Variants in ME1 observed in about 807,000 individuals in gnomAD.
The protein encoded by ME1 is NADP-dependent malic enzyme.
ME1 carries 74 observed loss-of-function variants against 66.4 expected under a neutral mutation model. That is an observed-to-expected ratio of 1.11 (90% CI 0.92 to 1.35). The LOEUF is 1.35. Among genes scored for constraint, ME1 ranks in the 40% most tolerant of loss-of-function variants. The probability of loss-of-function intolerance (pLI) is 0.00; values close to 1 mark genes in which losing one functional copy is unlikely to be tolerated. For missense variants in ME1, 750 were observed against 694.1 expected (o/e 1.08, Z -0.90); for synonymous variants, 251 against 235.6 (o/e 1.07, Z -0.60).
chr6:83,319,306 TA>T (rs924850590), intron 5 of ME1, among the ~76,000 whole-genome samples: 9 of 137,426 alleles, frequency 6.5e-5, no homozygotes, highest in East Asian at 2.1e-4. Context: ...AGTATAATAA[TA>T]AAAAAAATAA....
intron 9 of ME1, among the ~76,000 whole-genome samples, chr6:83,237,227 A>AAAAGAAAGAAAGAAAG (rs71545852): frequency 0.047 from 3,208 of 68,970 alleles, 270 homozygotes; most frequent in East Asian, 0.1. Context: ...ACAGAGAGAG[A>AAAAGAAAGAAAGAAAG]AAAGAAAGAA....
intron 5 of ME1, among the ~76,000 whole-genome samples, chr6:83,316,342 T>C (rs960374438): frequency 2.6e-5 from 4 of 152,172 alleles, no homozygotes; most frequent in African/African-American, 9.6e-5. Flanking sequence ...AAATCAGTTT[T>C]GAAATTGAGA....
intron 9 of ME1, among the ~76,000 whole-genome samples, chr6:83,231,877 A>G (rs1158232907): frequency 1.3e-5 from 2 of 151,856 alleles, no homozygotes; most frequent in African/African-American, 4.8e-5. Flanking sequence ...TACCTCAAAC[A>G]TATTATGGAT....
chr6:83,270,016 G>A (rs1479559524), intron 6 of ME1, among the ~76,000 whole-genome samples: 4 of 151,972 alleles, frequency 2.6e-5, no homozygotes, highest in Non-Finnish European at 5.9e-5. Flanking sequence ...TGGATTTATA[G>A]GTCTCTGTAA....
chr6:83,232,309 T>G (rs1444721656), intron 9 of ME1, among the ~76,000 whole-genome samples: 3 of 152,264 alleles, frequency 2.0e-5, no homozygotes, highest in Non-Finnish European at 2.9e-5. Flanking sequence ...TTCACTGCAT[T>G]TGTTGCAAAT....
At chr6:83,425,053 T>C (rs1039259561) in intron 1 of ME1, among the ~76,000 whole-genome samples, 1 of 152,200 alleles carries the variant, frequency 6.6e-6, no homozygotes, top group Non-Finnish European at 1.5e-5. Flanking sequence ...CAATCTGTCA[T>C]ACAGGCTGGA....
intron 2 of ME1, among the ~76,000 whole-genome samples, chr6:83,404,065 T>C (rs553134939): frequency 6.6e-6 from 1 of 152,194 alleles, no homozygotes; most frequent in Non-Finnish European, 1.5e-5. Context: ...TTCTAGATCC[T>C]TGAGGAATCG....
chr6:83,324,039 A>G (rs1768233732), intron 5 of ME1, among the ~76,000 whole-genome samples: 2 of 152,168 alleles, frequency 1.3e-5, no homozygotes, highest in African/African-American at 4.8e-5. Flanking sequence ...AAACTCACTC[A>G]AAACTGCACA....
At chr6:83,422,214 C>G (rs73478727) in intron 1 of ME1, among the ~76,000 whole-genome samples, 1 of 152,108 alleles carries the variant, frequency 6.6e-6, no homozygotes. Context: ...GACTACTGCA[C>G]AGATCCCACA....
intron 7 of ME1, among the ~76,000 whole-genome samples, chr6:83,243,226 G>A (rs1273699525): frequency 6.7e-6 from 1 of 149,210 alleles, no homozygotes; most frequent in Admixed American, 6.8e-5. Context: ...TGACTGCTCT[G>A]CTGCACTCCA....
At chr6:83,345,516 T>A (rs1391797208) in intron 5 of ME1, among the ~76,000 whole-genome samples, 1 of 152,218 alleles carries the variant, frequency 6.6e-6, no homozygotes, top group Non-Finnish European at 1.5e-5. Context: ...TATGTATTTG[T>A]GTCAAGGTCT....
intron 9 of ME1, among the ~76,000 whole-genome samples, chr6:83,233,688 T>C (rs933876893): frequency 2.0e-5 from 3 of 151,774 alleles, no homozygotes; most frequent in African/African-American, 4.8e-5. Context: ...TTATGGTATT[T>C]TTACATTTTA....
intron 2 of ME1, among the ~76,000 whole-genome samples, 162 bp from the exon 3 acceptor site, chr6:83,398,678 C>T (rs976793212): frequency 4.6e-5 from 7 of 152,136 alleles, no homozygotes; most frequent in African/African-American, 1.2e-4. Flanking sequence ...TTTTTCTTTA[C>T]GACAGAGTCT....
intron 1 of ME1, among the ~76,000 whole-genome samples, chr6:83,420,338 G>T (rs1038476630): frequency 5.9e-5 from 9 of 152,152 alleles, no homozygotes; most frequent in African/African-American, 2.2e-4. Flanking sequence ...AAAGTGCTTG[G>T]ATTACAGGCA....
chr6:83,375,865 T>C (rs1392303529), intron 3 of ME1, among the ~76,000 whole-genome samples: 1 of 152,222 alleles, frequency 6.6e-6, no homozygotes, highest in Non-Finnish European at 1.5e-5. Context: ...GTGGTTTTTG[T>C]CATTGTTTCT....
chr6:83,277,043 A>ATC (rs1355394215), intron 6 of ME1, among the ~76,000 whole-genome samples: 1 of 152,264 alleles, frequency 6.6e-6, no homozygotes, highest in Non-Finnish European at 1.5e-5. Context: ...AGCCATCTGT[A>ATC]TTGAAGTAAA....
intron 6 of ME1, among the ~76,000 whole-genome samples, chr6:83,264,930 G>C (rs957061236): frequency 1.6e-4 from 24 of 152,180 alleles, no homozygotes; most frequent in African/African-American, 5.5e-4. Flanking sequence ...TGAAAGGATT[G>C]ACTCCAATAT....
intron 6 of ME1, among the ~76,000 whole-genome samples, chr6:83,274,376 TA>T (rs980140391): frequency 2.1e-4 from 32 of 152,124 alleles, no homozygotes; most frequent in African/African-American, 6.5e-4. Context: ...CAGGGAACAT[TA>T]AAAAAAATTG....
intron 3 of ME1, among the ~76,000 whole-genome samples, chr6:83,388,450 C>T (rs1769557198): frequency 6.6e-6 from 1 of 152,126 alleles, no homozygotes; most frequent in African/African-American, 2.4e-5. Flanking sequence ...CATGATACCA[C>T]AATCTATTTG....
Sources: allele counts gnomAD v4.1 joint callset (sites outside exome capture counted in the v4.1 genomes callset), GRCh38; gene constraint gnomAD v4.1.1; transcripts MANE v1.5; gene names NCBI Gene and HGNC (gene_info 2026-07-23, HGNC 2026-07-21).